Variants in REV1 observed in about 807,000 individuals in gnomAD.
REV1 encodes the protein translesion synthesis protein REV1.
Under a neutral mutation model 137.4 loss-of-function variants are expected in REV1, and 42 were observed. That is an observed-to-expected ratio of 0.31 (90% CI 0.24 to 0.40). The LOEUF (loss-of-function observed/expected upper bound fraction) is 0.40, where lower values mean the gene tolerates loss of function less well. REV1 is among the 10% of genes least tolerant of loss of function. The probability of loss-of-function intolerance (pLI) is 1.00; values close to 1 mark genes in which losing one functional copy is unlikely to be tolerated. For missense variants in REV1, 1,282 were observed against 1,490.1 expected (o/e 0.86, Z 2.30); for synonymous variants, 524 against 519.2 (o/e 1.01, Z -0.12).
At chr2:99,483,424 T>G (rs1252560309) in intron 1 of REV1, among the ~76,000 whole-genome samples, 1 of 152,186 alleles carries the variant, frequency 6.6e-6, no homozygotes, top group Non-Finnish European at 1.5e-5. Flanking sequence ...TAAGCAACAC[T>G]TTGCTTAATA....
intron 15 of REV1, among the ~76,000 whole-genome samples, chr2:99,407,113 A>G (rs1201714749): frequency 9.7e-5 from 6 of 61,810 alleles, no homozygotes; most frequent in Non-Finnish European, 3.2e-5. Context: ...TTTTTGAGAC[A>G]GAGCCTCACT....
At position 99,451,575 on chromosome 2, in the gene REV1, G is replaced by A. The variant is rs1682926891; in HGVS notation, c.182-2071C>T. 3 of 962,816 alleles carry A rather than the reference G, an allele frequency of 3.1e-6. No homozygotes were observed. The African/African-American group carries it at 5.1e-5, about 16-fold the overall frequency. The allele number at this position is 962,816 out of a possible 1,614,324, so 59.6% of individuals were successfully genotyped here. ...GTTTAATCTTAGCTTTCACACTCCT[G>A]AGTTGTGTGACTTTGGAGAAGTTGT... On this transcript the variant is annotated intron_variant, in intron 3 of 22. Coordinates refer to ENST00000258428, the MANE Select transcript of REV1 (RefSeq NM_016316.4).
At chr2:99,464,289 T>C (rs920169561) in intron 2 of REV1, among the ~76,000 whole-genome samples, 4 of 152,332 alleles carry the variant, frequency 2.6e-5, no homozygotes, top group Admixed American at 2.6e-4. Flanking sequence ...ATGATGTTTT[T>C]TTCCCAAAAT....
intron 3 of REV1, among the ~76,000 whole-genome samples, chr2:99,458,997 A>T (rs936189871): frequency 6.6e-6 from 1 of 151,978 alleles, no homozygotes; most frequent in Non-Finnish European, 1.5e-5. Context: ...TCACGAGGTC[A>T]GGAGATCAAG....
intron 3 of REV1, chr2:99,451,649 A>T: frequency 9.1e-6 from 4 of 439,012 alleles, no homozygotes. Flanking sequence ...AAGCTGTTAC[A>T]ATGAAATTAG....
At chr2:99,419,565 A>G (rs1392702338) in intron 11 of REV1, among the ~76,000 whole-genome samples, 1 of 152,200 alleles carries the variant, frequency 6.6e-6, no homozygotes, top group African/African-American at 2.4e-5. Flanking sequence ...ATGATCAAAG[A>G]GTAGTTCATG....
chr2:99,439,017 T>C lies in REV1; in HGVS notation c.797A>G (p.Lys266Arg). 3 of 1,614,242 alleles carry C rather than the reference T, an allele frequency of 1.9e-6. 1 individual carries two copies. Among genetic ancestry groups the C allele is most frequent in the South Asian group, 2.2e-5 (2 of 91,092 alleles). Residue 266 changes from lysine to arginine, a missense_variant, in exon 6 of 23, where the codon AAG (lysine) becomes AGG (arginine). Lys to Arg is a conservative substitution (Grantham distance 26). Coordinates refer to ENST00000258428, the MANE Select transcript of REV1 (RefSeq NM_016316.4). ...GCAGTCTCTGAAATCAGTGCTGCTCTTCTCAGCCTTATCCTCCTCCTGGGA... is the reference window on the plus strand; with the variant it reads ...GCAGTCTCTGAAATCAGTGCTGCTCCTCTCAGCCTTATCCTCCTCCTGGGA... The part of the protein sequence containing the change: ...AFSQEEDKAE[K>R]SSTDFRDCTL...
intron 18 of REV1, 127 bp downstream of exon 18, chr2:99,404,317 T>TGG: frequency 2.2e-6 from 1 of 450,936 alleles, no homozygotes; most frequent in South Asian, 1.8e-5. Flanking sequence ...TCCCCTCCCC[T>TGG]CCCCTCCCCT....
chr2:99,430,794 A>G (rs560463125), intron 8 of REV1, among the ~76,000 whole-genome samples: 4 of 152,314 alleles, frequency 2.6e-5, no homozygotes, highest in Non-Finnish European at 4.4e-5. Context: ...AAATAAATTA[A>G]AACACAACTT....
At chr2:99,472,042 C>T (rs1295917361) in intron 1 of REV1, among the ~76,000 whole-genome samples, 1 of 151,966 alleles carries the variant, frequency 6.6e-6, no homozygotes, top group African/African-American at 2.4e-5. Flanking sequence ...TCATGTAATT[C>T]CACTTGTGAG....
At chr2:99,436,059 T>G in intron 6 of REV1, 118 bp from the exon 7 acceptor site, 1 of 664,324 alleles carries the variant, frequency 1.5e-6, no homozygotes, top group Non-Finnish European at 2.6e-6. Context: ...TGGAGTCTTT[T>G]TAAAAAACCA....
In REV1 at chr2:99,403,046, T is replaced by G. The variant is rs1675706350; in HGVS notation, c.3227A>C (p.Lys1076Thr). The G allele has an allele frequency of 1.2e-6, 2 of 1,613,888 alleles. No individual in the cohort carries two copies. Among genetic ancestry groups the G allele is most frequent in the African/African-American group, 2.7e-5 (2 of 74,880 alleles). Reference protein sequence around the residue: ...AAVKEKKRNKKKKTIGSPKRI... With the variant: ...AAVKEKKRNKTKKTIGSPKRI... ...TTTTGGTGAACCAATGGTTTTTTTCTTCTTGTTTCTTTTCTTTTCTTTCAC... is the reference window on the plus strand; with the variant it reads ...TTTTGGTGAACCAATGGTTTTTTTCGTCTTGTTTCTTTTCTTTTCTTTCAC... The change falls in exon 20 of 23, where the codon AAG becomes ACG. Residue 1076 changes from lysine to threonine, a missense_variant. Coordinates refer to ENST00000258428, the MANE Select transcript of REV1 (RefSeq NM_016316.4).
intron 1 of REV1, among the ~76,000 whole-genome samples, chr2:99,466,329 G>A (rs560909696): frequency 8.6e-5 from 13 of 151,784 alleles, no homozygotes; most frequent in Non-Finnish European, 1.5e-4. Flanking sequence ...AACCACCTCC[G>A]CCTCCCGGGT....
chr2:99,444,619 A>G (rs533354039), intron 4 of REV1, among the ~76,000 whole-genome samples: 22 of 152,342 alleles, frequency 1.4e-4, no homozygotes, highest in African/African-American at 4.6e-4. Context: ...CCTCAGAGAT[A>G]CTCAATAAAA....
intron 1 of REV1, 113 bp from the exon 2 acceptor site, chr2:99,465,098 G>A: frequency 1.5e-6 from 1 of 658,786 alleles, no homozygotes; most frequent in South Asian, 1.9e-5. Flanking sequence ...TCCAACTGAT[G>A]AAAGTATACA....
intron 18 of REV1, among the ~76,000 whole-genome samples, 169 bp downstream of exon 18, chr2:99,404,275 T>G (rs1453448470): frequency 6.6e-6 from 1 of 152,092 alleles, no homozygotes; most frequent in Non-Finnish European, 1.5e-5. Context: ...GTCTACATCC[T>G]GCAGATGCAG....
chr2:99,480,929 T>C (rs1456567665), intron 1 of REV1, among the ~76,000 whole-genome samples: 6 of 152,234 alleles, frequency 3.9e-5, no homozygotes, highest in African/African-American at 9.6e-5. Flanking sequence ...TGTAACAATT[T>C]AGCACACTAT....
intron 1 of REV1, among the ~76,000 whole-genome samples, chr2:99,483,233 G>A (rs181909608): frequency 7.9e-5 from 12 of 152,200 alleles, no homozygotes; most frequent in Admixed American, 1.3e-4. Flanking sequence ...AATCTAAGTA[G>A]TTTCAACTAC....
intron 16 of REV1, 97 bp from the exon 17 acceptor site, chr2:99,406,203 C>G (rs139055413): frequency 5.1e-6 from 7 of 1,385,734 alleles, no homozygotes; most frequent in Non-Finnish European, 4.9e-6. Context: ...ATTACTGATT[C>G]ATCATAATGA....
Sources: gnomAD v4.1 joint callset for allele counts (sites outside exome capture counted in the v4.1 genomes callset) on GRCh38, gnomAD v4.1.1 for gene constraint, MANE v1.5 for transcripts, NCBI Gene and HGNC (gene_info 2026-07-23, HGNC 2026-07-21) for gene names.